VRK3: variants seen among roughly 807,000 people sequenced by gnomAD.
VRK3 encodes the protein serine/threonine-protein kinase VRK3.
Under a neutral mutation model 60.4 loss-of-function variants are expected in VRK3, and 50 were observed. The observed-to-expected ratio is 0.83, with a 90% CI of 0.66 to 1.05. The LOEUF (loss-of-function observed/expected upper bound fraction) is 1.05, where lower values mean the gene tolerates loss of function less well. Ranked by LOEUF, VRK3 falls within the 50% of genes least tolerant of loss-of-function variation. The probability of loss-of-function intolerance (pLI) is 0.00; values close to 1 mark genes in which losing one functional copy is unlikely to be tolerated. For synonymous variants in VRK3, 246 were observed against 227.8 expected, an observed-to-expected ratio of 1.08 and a Z score of -0.72; for missense variants, 549 against 585.3, an observed-to-expected ratio of 0.94 and a Z score of 0.64.
At chr19:49,999,229 G>A (rs1347735857) in intron 6 of VRK3, 2 of 152,314 alleles carry the variant, frequency 1.3e-5, no homozygotes, top group Non-Finnish European at 2.9e-5. Context: ...GGTCATTAGT[G>A]AGCCTGGCTC....
intron 2 of VRK3, among the ~76,000 whole-genome samples, chr19:50,017,626 T>C (rs10423869): frequency 0.057 from 7,414 of 129,262 alleles, 643 homozygotes; most frequent in African/African-American, 0.2. Context: ...TAGAAGTTAA[T>C]ATAAACATGG....
intron 2 of VRK3, among the ~76,000 whole-genome samples, chr19:50,019,861 GT>G (rs752888124): frequency 6.1e-4 from 92 of 151,262 alleles, no homozygotes; most frequent in Middle Eastern, 6.8e-3. Context: ...TGAACAAAGC[GT>G]TTGTTTAGAA....
chr19:49,984,732 A>G (rs2076483216), intron 12 of VRK3, among the ~76,000 whole-genome samples: 1 of 152,050 alleles, frequency 6.6e-6, no homozygotes, highest in Admixed American at 6.5e-5. Context: ...CTTGGACTCA[A>G]GTGATCCTTC....
intron 5 of VRK3, among the ~76,000 whole-genome samples, chr19:50,006,323 A>G (rs1162610725): frequency 1.3e-5 from 2 of 151,496 alleles, no homozygotes; most frequent in South Asian, 2.1e-4. Flanking sequence ...AAAATAAAAA[A>G]TAATAAATAA....
intron 5 of VRK3, among the ~76,000 whole-genome samples, chr19:50,004,866 C>T (rs2076868790): frequency 6.6e-6 from 1 of 151,866 alleles, no homozygotes; most frequent in Admixed American, 6.6e-5. Flanking sequence ...GCCGTGATTG[C>T]ACAACCGCAC....
chr19:50,019,366 C>CCTTTTTTTTTTTTTTTTTT, intron 2 of VRK3: 3 of 148,734 alleles, frequency 2.0e-5, no homozygotes, highest in East Asian at 4.2e-4. Context: ...CCATGCCTGG[C>CCTTTTTTTTTTTTTTTTTT]TAATTAAAAA....
At chr19:49,988,607 A>C in intron 11 of VRK3, 115 bp from the exon 12 acceptor site, 2 of 1,380,354 alleles carry the variant, frequency 1.4e-6, no homozygotes, top group South Asian at 2.8e-5. Flanking sequence ...TCATACACCC[A>C]GCCTTCCAGC....
chr19:50,016,203 A>C (rs1385584805), intron 2 of VRK3, 40 bp from the exon 3 acceptor site: 1 of 1,610,236 alleles, frequency 6.2e-7, no homozygotes. Flanking sequence ...GAAACGGGCC[A>C]GCTGAAGGTC....
At chr19:50,016,775 A>G (rs931015630) in intron 2 of VRK3, among the ~76,000 whole-genome samples, 1 of 152,260 alleles carries the variant, frequency 6.6e-6, no homozygotes, top group African/African-American at 2.4e-5. Context: ...ACTATGACAA[A>G]TGAGGATATA....
chr19:50,016,135 T>A lies in VRK3; in HGVS notation c.28A>T (p.Lys10Ter), dbSNP rs2077073087. Residue 10 changes from lysine (K) to a stop codon, truncating the protein, a stop_gained, in exon 3 of 15, where the codon AAA (lysine) becomes TAA (stop). Coordinates refer to ENST00000316763, the MANE Select transcript of VRK3 (RefSeq NM_016440.4). LOFTEE classifies it high-confidence loss of function. MISFCPDCG[K>*]SIQAAFKFCP... Reference sequence around the variant, plus strand: ...AATTTGAATGCCGCTTGGATACTTTTGCCACAGTCTGGACAGAAGGAGATC... The same window carrying A: ...AATTTGAATGCCGCTTGGATACTTTAGCCACAGTCTGGACAGAAGGAGATC... 1 of 1,614,098 alleles carries A rather than the reference T, an allele frequency of 6.2e-7. No homozygotes were observed. The highest frequency in any genetic ancestry group is 8.5e-7 in the Non-Finnish European group (1 of 1,180,054).
In VRK3 at chr19:50,007,715, C is replaced by T. The variant is rs761641870; in HGVS notation, c.401G>A (p.Arg134Lys). The T allele has an allele frequency of 6.3e-7, 1 of 1,583,230 alleles. No individual in the cohort carries two copies. Residue 134 changes from arginine (R) to lysine (K), a missense_variant, in exon 5 of 15, where the codon AGG becomes AAG. Transcript: ENST00000316763. ...QKTSCSPQKT[R>K]QSPQTLKRSR... is the part of the protein sequence containing the mutation. ...CCGCTTCAGCGTCTGAGGGCTCTGC[C>T]TGGTCTTCTGAGGGCTACAGCTGGT...
intron 1 of VRK3, among the ~76,000 whole-genome samples, chr19:50,022,171 C>G (rs1035398506): frequency 7.2e-5 from 11 of 152,210 alleles, no homozygotes; most frequent in African/African-American, 2.4e-4. Context: ...ATGTTCTTCA[C>G]CTGGTGCCAA....
intron 12 of VRK3, among the ~76,000 whole-genome samples, chr19:49,987,289 C>T (rs963153058): frequency 6.6e-6 from 1 of 152,158 alleles, no homozygotes; most frequent in African/African-American, 2.4e-5. Context: ...GCTCCGCTGT[C>T]CCTGGTGCTG....
In VRK3 at chr19:49,983,181, C is replaced by T. The variant is rs559562153; in HGVS notation, c.1218-2168G>A. Among the ~76,000 whole-genome samples the T allele has an allele frequency of 2.0e-3, 290 of 147,390 alleles. 2 individuals carry two copies. Among genetic ancestry groups the T allele is most frequent in the African/African-American group, 6.7e-3 (270 of 40,582 alleles). The stretch of plus-strand genomic sequence containing the variant: ...AGCACACACTGGCCACCCTCTGACT[C>T]CATCTCCCCACTCCTTCCTCCCATT... On this transcript the variant is annotated intron_variant, in intron 12 of 14. Coordinates refer to ENST00000316763, the MANE Select transcript of VRK3 (RefSeq NM_016440.4).
At chr19:50,023,021 T>C (rs60536986) in intron 1 of VRK3, among the ~76,000 whole-genome samples, 7,964 of 152,144 alleles carry the variant, frequency 0.052, 690 homozygotes, top group African/African-American at 0.18. Context: ...TCCCCAATCG[T>C]GACAAGAACG....
chr19:50,012,106 G>C (rs2077004494), intron 3 of VRK3, among the ~76,000 whole-genome samples: 2 of 152,086 alleles, frequency 1.3e-5, no homozygotes, highest in Admixed American at 1.3e-4. Flanking sequence ...CGAGTAGCTG[G>C]GATTACAGGC....
chr19:49,998,991 T>TGCATGCCTGTGGTCCC, intron 6 of VRK3: 1 of 120,548 alleles, frequency 8.3e-6, no homozygotes, highest in Non-Finnish European at 1.7e-5. Flanking sequence ...GACGTGGTGG[T>TGCATGCCTGTGGTCCC]GCATGCCTGT....
intron 10 of VRK3, among the ~76,000 whole-genome samples, chr19:49,992,332 A>G (rs7253041): frequency 0.052 from 7,995 of 152,298 alleles, 691 homozygotes; most frequent in African/African-American, 0.18. Flanking sequence ...TGAACCCAGG[A>G]GGTGGAGGTT....
At chr19:49,995,328 C>A in intron 7 of VRK3, 53 bp from the exon 8 acceptor site, 1 of 1,535,556 alleles carries the variant, frequency 6.5e-7, no homozygotes, top group Non-Finnish European at 9.0e-7. Flanking sequence ...AAGCCCATGG[C>A]AGTAAGAGCT....
Sources: gnomAD v4.1 joint callset for allele counts (sites outside exome capture counted in the v4.1 genomes callset) on GRCh38, gnomAD v4.1.1 for gene constraint, MANE v1.5 for transcripts, NCBI Gene and HGNC (gene_info 2026-07-23, HGNC 2026-07-21) for gene names.